The following ALG1L2 variants were observed in gnomAD, a reference collection of about 807,000 sequenced individuals.
The protein encoded by ALG1L2 is ALG1 chitobiosyldiphosphodolichol beta-mannosyltransferase like 2.
ALG1L2 carries 32 observed loss-of-function variants against 29.0 expected under a neutral mutation model. The ratio of observed to expected loss-of-function variants is 1.10; its 90% CI spans 0.83 to 1.48. The LOEUF (loss-of-function observed/expected upper bound fraction) is 1.48, where lower values mean the gene tolerates loss of function less well. ALG1L2 is among the 40% of genes most tolerant of loss of function. The probability of loss-of-function intolerance (pLI) is 0.00; values close to 1 mark genes in which losing one functional copy is unlikely to be tolerated. For synonymous variants in ALG1L2, 110 were observed against 109.5 expected, an observed-to-expected ratio of 1.00 and a Z score of -0.03; for missense variants, 318 against 274.1, an observed-to-expected ratio of 1.16 and a Z score of -1.13.
chr3:130,098,294 G>C lies in ALG1L2; in HGVS notation c.*39G>C. The C allele has an allele frequency of 1.3e-6, 2 of 1,596,440 alleles. No individual in the cohort carries two copies. The highest frequency in any genetic ancestry group is 1.1e-5 in the South Asian group (1 of 90,988). ...CTAAACCAGTTCCGGAAGAACCTGC[G>C]GGAGTCGCAGCAGCTCTGATGGGAT... On this transcript the variant is annotated 3_prime_UTR_variant, in exon 8 of 8. Coordinates refer to ENST00000425059, the MANE Select transcript of ALG1L2 (RefSeq NM_001136152.1).
At chr3:130,097,105 C>T (rs1329027476) in intron 6 of ALG1L2, 70 bp from the exon 7 acceptor site, 2 of 1,589,532 alleles carry the variant, frequency 1.3e-6, no homozygotes, top group Non-Finnish European at 1.7e-6. Flanking sequence ...GGGTGGGAGC[C>T]CAGCTGGGCA....
intron 7 of ALG1L2, among the ~76,000 whole-genome samples, chr3:130,097,793 G>C (rs907033826): frequency 3.9e-5 from 6 of 152,196 alleles, no homozygotes; most frequent in Admixed American, 6.5e-5. Context: ...TAAGGGGTGT[G>C]GCTTTGTTCC....
At chr3:130,090,277 AC>A (rs1224117033) in intron 1 of ALG1L2, among the ~76,000 whole-genome samples, 2 of 151,840 alleles carry the variant, frequency 1.3e-5, no homozygotes, top group African/African-American at 4.9e-5. Context: ...AATCACTTGA[AC>A]CCGGGAGGCA....
chr3:130,093,053 A>T, intron 3 of ALG1L2, 48 bp from the exon 4 acceptor site: 3 of 1,427,662 alleles, frequency 2.1e-6, no homozygotes, highest in East Asian at 4.8e-5. Flanking sequence ...AAAAAAAAAA[A>T]ATTAAATCAG....
rs374494169 is a variant in ALG1L2 at position 130,086,222 on chromosome 3, G to T, written c.20+4186G>T. Among the ~76,000 whole-genome samples, 3 of 151,194 alleles carry T rather than the reference G, an allele frequency of 2.0e-5. No individual in the cohort carries two copies. The East Asian group carries it at 5.8e-4, about 29-fold the overall frequency. On this transcript the variant is annotated intron_variant, in intron 1 of 7. Coordinates refer to ENST00000425059, the MANE Select transcript of ALG1L2 (RefSeq NM_001136152.1). The stretch of plus-strand genomic sequence containing the variant: ...GCAGCTCAGGGGATGCCTTCCAGCT[G>T]ACAGGCGCTAGCGCACTTTGAAGTA...
chr3:130,088,464 C>T (rs1045493545), intron 1 of ALG1L2, among the ~76,000 whole-genome samples: 44 of 152,334 alleles, frequency 2.9e-4, no homozygotes, highest in African/African-American at 1.1e-3. Context: ...GTTGCCCAGG[C>T]TGGAGTGCAG....
chr3:130,095,640 C>T (rs991830965), intron 5 of ALG1L2, among the ~76,000 whole-genome samples: 51 of 151,262 alleles, frequency 3.4e-4, no homozygotes, highest in Non-Finnish European at 7.4e-5. Flanking sequence ...TGGGGTTTCA[C>T]CATGTTGACC....
At position 130,091,320 on chromosome 3, in the gene ALG1L2, A is replaced by T. The variant is rs552265139; in HGVS notation, c.80A>T (p.Gln27Leu). The T allele has an allele frequency of 2.8e-5, 44 of 1,598,270 alleles. No individual in the cohort carries two copies. In the African/African-American group the frequency reaches 4.1e-4, roughly 15 times the overall value. ...TTTAAAGAGGCACCTCTGGACCTGCAGCACCGGCTCTTCATGAAGCTGGGC... is the reference window on the plus strand; with the variant it reads ...TTTAAAGAGGCACCTCTGGACCTGCTGCACCGGCTCTTCATGAAGCTGGGC... ...SFFKEAPLDLQHRLFMKLGST... is the reference protein window; with the variant it reads ...SFFKEAPLDLLHRLFMKLGST... Residue 27 changes from glutamine to leucine, a missense_variant, in exon 2 of 8, where the codon CAG becomes CTG. Coordinates refer to ENST00000425059, the MANE Select transcript of ALG1L2 (RefSeq NM_001136152.1).
chr3:130,090,086 T>C (rs1478152830), intron 1 of ALG1L2, among the ~76,000 whole-genome samples: 1 of 152,158 alleles, frequency 6.6e-6, no homozygotes, highest in African/African-American at 2.4e-5. Context: ...CCTGGCACGG[T>C]GGCTCATGCC....
At chr3:130,088,099 G>A (rs1163887071) in intron 1 of ALG1L2, among the ~76,000 whole-genome samples, 1 of 152,282 alleles carries the variant, frequency 6.6e-6, no homozygotes, top group African/African-American at 2.4e-5. Flanking sequence ...CAGGAGCACA[G>A]TTGTGGGTCC....
chr3:130,085,907 A>G (rs1934879454), intron 1 of ALG1L2, among the ~76,000 whole-genome samples: 1 of 151,438 alleles, frequency 6.6e-6, no homozygotes, highest in Non-Finnish European at 1.5e-5. Flanking sequence ...GGTAAATACA[A>G]GAAGGAGAGG....
In ALG1L2 at chr3:130,094,438, A is replaced by G. The variant is rs1386200827; in HGVS notation, c.349A>G (p.Ile117Val). Residue 117 changes from isoleucine (I) to valine (V), a missense_variant, in exon 5 of 8, where the codon ATC becomes GTC. Physicochemically the swap from Ile to Val is conservative, Grantham distance 29. Transcript: ENST00000425059. Reference protein sequence around the residue: ...GPLREYYSRLIHQKHFQHIQV... With the variant: ...GPLREYYSRLVHQKHFQHIQV... ...TCTGAGGGAGTATTACAGCCGCCTC[A>G]TCCACCAGAAGCATTTCCAGCACAT... 6.3e-7 allele frequency: 1 copy of G among 1,596,266 alleles called. No homozygotes were observed. Among genetic ancestry groups the G allele is most frequent in the East Asian group, 2.2e-5 (1 of 44,856 alleles).
In ALG1L2 at chr3:130,092,146, G is replaced by A. The variant is rs537847546; in HGVS notation, c.177G>A (p.Glu59=). 9.1e-5 allele frequency: 147 copies of A among 1,613,600 alleles called. No individual in the cohort carries two copies. The East Asian group carries it at 3.1e-3, about 34-fold the overall frequency. Residue 59 remains glutamate, a synonymous_variant, in exon 3 of 8, where the codon GAG becomes GAA. Transcript: ENST00000425059. ...ACACAGAGCGGTCGGCCTTCACGGA[G>A]CGGGATTCTGGGAGCGGGCTGGTGA... ...DPDTERSAFT[E]RDSGSGLVTR... is the part of the protein sequence containing the mutation.
Position 130,096,297 on chromosome 3 carries a change from G to A in ALG1L2, c.539+134G>A, listed in dbSNP as rs186302063. Reference sequence around the variant, plus strand: ...TCCAGCACACACTGGAGGCCACGAGGAGGAGCCCTGCGGTTACTGTGGCTG... The same window carrying A: ...TCCAGCACACACTGGAGGCCACGAGAAGGAGCCCTGCGGTTACTGTGGCTG... On this transcript the variant is annotated intron_variant, in intron 6 of 7. Coordinates refer to ENST00000425059, the MANE Select transcript of ALG1L2 (RefSeq NM_001136152.1). The A allele has an allele frequency of 6.5e-3, 6,153 of 944,894 alleles. 249 individuals carry two copies. In the African/African-American group the frequency reaches 0.09, roughly 14 times the overall value. The allele number at this position is 944,894 out of a possible 1,614,324, so 58.5% of individuals were successfully genotyped here. A position where few individuals can be genotyped will look rare whatever the true frequency, so the allele number is the denominator to read the frequency against.
chr3:130,087,816 T>G (rs1186440473), intron 1 of ALG1L2, among the ~76,000 whole-genome samples: 1 of 98,040 alleles, frequency 1.0e-5, no homozygotes, highest in Non-Finnish European at 2.5e-5. Context: ...ACCTTGGCAA[T>G]GCAATAGGAT....
At position 130,083,455 on chromosome 3, in the gene ALG1L2, AAAAC is replaced by A. The variant is rs1553718867; in HGVS notation, c.20+1435_20+1438del. Among the ~76,000 whole-genome samples the A allele has an allele frequency of 3.2e-5, 4 of 125,736 alleles. 1 individual carries two copies. Among genetic ancestry groups the A allele is most frequent in the East Asian group, 4.3e-4 (2 of 4,608 alleles). 82.5% of individuals were successfully genotyped at this position (125,736 alleles called of 152,430 possible). ...AAGACTCTGTCTCGGGAAAAAAACAAAAACAAACAAACAAACAAAAACAGATGAA... is the reference window on the plus strand; with the variant it reads ...AAGACTCTGTCTCGGGAAAAAAACAAAAACAAACAAACAAAAACAGATGAA... On this transcript the variant is annotated intron_variant, in intron 1 of 7. Transcript: ENST00000425059.
At chr3:130,082,816 C>A (rs1208561475) in intron 1 of ALG1L2, among the ~76,000 whole-genome samples, 1 of 146,768 alleles carries the variant, frequency 6.8e-6, no homozygotes, top group African/African-American at 2.4e-5. Context: ...CAGCAAGGCT[C>A]CAAGTGAGCA....
chr3:130,096,290 C>T (rs1935132724), intron 6 of ALG1L2, 127 bp downstream of exon 6: 4 of 1,073,082 alleles, frequency 3.7e-6, no homozygotes, highest in East Asian at 5.2e-5. Context: ...ACACTGGAGG[C>T]CACGAGGAGG....
chr3:130,088,467 G>A (rs1386369586), intron 1 of ALG1L2, among the ~76,000 whole-genome samples: 1 of 152,304 alleles, frequency 6.6e-6, no homozygotes, highest in Non-Finnish European at 1.5e-5. Flanking sequence ...GCCCAGGCTG[G>A]AGTGCAGTGG....
Sources: allele counts gnomAD v4.1 joint callset (sites outside exome capture counted in the v4.1 genomes callset), GRCh38; gene constraint gnomAD v4.1.1; transcripts MANE v1.5; gene names NCBI Gene and HGNC (gene_info 2026-07-23, HGNC 2026-07-21).